Variants in C4orf36 observed in about 807,000 individuals in gnomAD.
The protein encoded by C4orf36 is chromosome 4 open reading frame 36, also known as uncharacterized protein C4orf36.
Under a neutral mutation model 12.2 loss-of-function variants are expected in C4orf36, and 11 were observed. The observed-to-expected ratio is 0.90, with a 90% CI of 0.57 to 1.49. The LOEUF (loss-of-function observed/expected upper bound fraction) is 1.49. Ranked by LOEUF, C4orf36 falls within the 40% of genes most tolerant of loss-of-function variation. The pLI, the probability that C4orf36 is intolerant of heterozygous loss-of-function variation, is 0.00. For synonymous variants in C4orf36, 54 were observed against 51.3 expected (o/e 1.05, Z -0.22); for missense variants, 137 against 133.9 (o/e 1.02, Z -0.11).
the C4orf36 span, among the ~76,000 whole-genome samples, chr4:86,910,848 G>A: frequency 3.3e-5 from 5 of 152,148 alleles, no homozygotes; most frequent in East Asian, 9.7e-4. Context: ...GGTGGATCAC[G>A]AGGTCAAGAG....
the C4orf36 span, among the ~76,000 whole-genome samples, chr4:86,903,676 G>A: frequency 6.6e-6 from 1 of 152,132 alleles, no homozygotes; most frequent in Non-Finnish European, 1.5e-5. Flanking sequence ...GCAAGTTGCC[G>A]CTGCTTGCTC....
the C4orf36 span, chr4:86,913,284 G>A: frequency 3.4e-5 from 22 of 655,016 alleles, no homozygotes; most frequent in Admixed American, 1.5e-4. Flanking sequence ...TGGAAGACTC[G>A]AGAGTCTTGA....
intron 2 of C4orf36, among the ~76,000 whole-genome samples, chr4:86,890,829 A>G (rs1313806256): frequency 6.6e-6 from 1 of 152,206 alleles, no homozygotes; most frequent in Non-Finnish European, 1.5e-5. Flanking sequence ...CTTCACATAC[A>G]CGACTTCATT....
the C4orf36 span, among the ~76,000 whole-genome samples, chr4:86,917,325 A>AT: frequency 2.6e-5 from 3 of 115,726 alleles, no homozygotes; most frequent in African/African-American, 8.2e-5. Context: ...AGAGAGAGAG[A>AT]GAGATGAAGG....
chr4:86,914,108 T>G, the C4orf36 span: 3 of 1,605,932 alleles, frequency 1.9e-6, no homozygotes, highest in East Asian at 4.5e-5. Context: ...ACCAGTCATT[T>G]TCAGACTCAA....
chr4:86,909,608 C>T, the C4orf36 span, among the ~76,000 whole-genome samples: 1 of 151,842 alleles, frequency 6.6e-6, no homozygotes, highest in Non-Finnish European at 1.5e-5. Flanking sequence ...TGGAATACTC[C>T]TCTGTTCAAA....
the C4orf36 span, among the ~76,000 whole-genome samples, chr4:86,898,201 G>A: frequency 3.3e-5 from 5 of 152,170 alleles, no homozygotes; most frequent in Non-Finnish European, 2.9e-5. Context: ...AGACCAGCCT[G>A]GCCAACATGG....
intron 2 of C4orf36, among the ~76,000 whole-genome samples, chr4:86,890,797 G>A (rs562682798): frequency 6.6e-6 from 1 of 152,334 alleles, no homozygotes; most frequent in African/African-American, 2.4e-5. Flanking sequence ...GCGTTCACTG[G>A]ATGACAGGCA....
the C4orf36 span, among the ~76,000 whole-genome samples, chr4:86,913,060 G>T: frequency 1.4e-5 from 2 of 147,758 alleles, no homozygotes; most frequent in Non-Finnish European, 1.5e-5. Context: ...GAATGAAGTC[G>T]CAATAAAAAA....
chr4:86,913,922 T>C, the C4orf36 span: 1 of 1,341,374 alleles, frequency 7.5e-7, no homozygotes, highest in Non-Finnish European at 1.0e-6. Context: ...TCTCCCGGGC[T>C]CACGCCATTC....
At chr4:86,903,736 T>C in the C4orf36 span, among the ~76,000 whole-genome samples, 4 of 152,214 alleles carry the variant, frequency 2.6e-5, no homozygotes, top group Non-Finnish European at 4.4e-5. Context: ...ATCCTGCTGA[T>C]TGGTCCATTT....
At chr4:86,910,226 G>T in the C4orf36 span, among the ~76,000 whole-genome samples, 1 of 152,050 alleles carries the variant, frequency 6.6e-6, no homozygotes, top group South Asian at 2.1e-4. Flanking sequence ...CAGATCACTT[G>T]AGACCAGGAG....
At chr4:86,891,784 G>GA (rs1747426716) in intron 1 of C4orf36, among the ~76,000 whole-genome samples, 191 bp from the exon 2 acceptor site, 1 of 152,128 alleles carries the variant, frequency 6.6e-6, no homozygotes, top group Non-Finnish European at 1.5e-5. Flanking sequence ...CGAATAAGGA[G>GA]AAAATGCCAG....
the C4orf36 span, chr4:86,913,989 A>G: frequency 6.3e-7 from 1 of 1,575,180 alleles, no homozygotes; most frequent in South Asian, 1.1e-5. Context: ...GGCAGAAAAC[A>G]GTCTGCATTT....
At chr4:86,880,096 C>A (rs951927554) in intron 4 of C4orf36, among the ~76,000 whole-genome samples, 1 of 152,194 alleles carries the variant, frequency 6.6e-6, no homozygotes, top group African/African-American at 2.4e-5. Flanking sequence ...TCAAGCAATC[C>A]TCCCACCTTG....
rs1003616570 is a variant in C4orf36 at position 86,884,303 on chromosome 4, T to C, written c.*2+3455A>G. ...AGGCAGAAGGAAAAAGACTGAATTT[T>C]TTTTTTTTTTTTTTTTTTTGAGACA... is the stretch of plus-strand genomic sequence containing the variant. On this transcript the variant is annotated intron_variant, in intron 4 of 4. Transcript: ENST00000295898. 1.6e-3 allele frequency among the ~76,000 whole-genome samples: 240 copies of C among 145,834 alleles called. 9 individuals are homozygous for C. Among genetic ancestry groups the C allele is most frequent in the East Asian group, 5.3e-3 (26 of 4,942 alleles).
At chr4:86,903,674 C>T in the C4orf36 span, among the ~76,000 whole-genome samples, 1 of 152,192 alleles carries the variant, frequency 6.6e-6, no homozygotes, top group Non-Finnish European at 1.5e-5. Context: ...AAGCAAGTTG[C>T]CGCTGCTTGC....
intron 4 of C4orf36, among the ~76,000 whole-genome samples, chr4:86,877,285 T>A (rs1453839132): frequency 6.6e-6 from 1 of 152,190 alleles, no homozygotes; most frequent in Non-Finnish European, 1.5e-5. Context: ...CAGTTAACAA[T>A]CCAGCTCTAA....
At chr4:86,904,417 G>C in the C4orf36 span, among the ~76,000 whole-genome samples, 1 of 152,170 alleles carries the variant, frequency 6.6e-6, no homozygotes, top group Admixed American at 6.5e-5. Flanking sequence ...CCAAGGCCGA[G>C]GAGGCGCGGA....
Sources: gnomAD v4.1 joint callset for allele counts (sites outside exome capture counted in the v4.1 genomes callset) on GRCh38, gnomAD v4.1.1 for gene constraint, MANE v1.5 for transcripts, NCBI Gene and HGNC (gene_info 2026-07-23, HGNC 2026-07-21) for gene names.